Variants in CDH12 observed in about 807,000 individuals in gnomAD.
The protein encoded by CDH12 is cadherin-12.
In CDH12, 41 loss-of-function variants were observed where a neutral mutation model predicts 74.1. That is an observed-to-expected ratio of 0.55 (90% CI 0.43 to 0.72). The LOEUF (loss-of-function observed/expected upper bound fraction) is 0.72, where lower values mean the gene tolerates loss of function less well. Among genes scored for constraint, CDH12 ranks in the 30% least tolerant of loss-of-function variants. The pLI, the probability that CDH12 is intolerant of heterozygous loss-of-function variation, is 0.00. For missense variants in CDH12, 945 were observed against 977.2 expected, an observed-to-expected ratio of 0.97 and a Z score of 0.44; for synonymous variants, 399 against 355.0, an observed-to-expected ratio of 1.12 and a Z score of -1.39.
intron 3 of CDH12, among the ~76,000 whole-genome samples, chr5:22,280,305 T>G (rs777911815): frequency 3.3e-5 from 5 of 151,954 alleles, no homozygotes; most frequent in Admixed American, 6.6e-5. Flanking sequence ...ACATCACAAT[T>G]AAAAGAACTA....
At chr5:22,703,681 T>C (rs1379168735) in intron 1 of CDH12, among the ~76,000 whole-genome samples, 1 of 152,152 alleles carries the variant, frequency 6.6e-6, no homozygotes, top group African/African-American at 2.4e-5. Flanking sequence ...TATTTTCCAA[T>C]GCAGTTAATT....
At chr5:22,809,021 A>G (rs1748973823) in intron 1 of CDH12, among the ~76,000 whole-genome samples, 1 of 151,870 alleles carries the variant, frequency 6.6e-6, no homozygotes, top group South Asian at 2.1e-4. Context: ...ATTTTGAGAT[A>G]GTTTATAAAA....
intron 1 of CDH12, among the ~76,000 whole-genome samples, chr5:22,771,131 G>A (rs552513514): frequency 4.1e-4 from 63 of 152,186 alleles, no homozygotes; most frequent in African/African-American, 1.4e-3. Context: ...ACTACTGACT[G>A]TTCCAAAAAG....
At chr5:22,474,230 A>C (rs562441406) in intron 2 of CDH12, among the ~76,000 whole-genome samples, 2 of 152,158 alleles carry the variant, frequency 1.3e-5, no homozygotes, top group Non-Finnish European at 2.9e-5. Flanking sequence ...GTTAGTTACA[A>C]AGAAATGAAT....
chr5:22,743,298 GTA>G (rs913154780), intron 1 of CDH12, among the ~76,000 whole-genome samples: 2 of 145,770 alleles, frequency 1.4e-5, no homozygotes, highest in Non-Finnish European at 3.0e-5. Context: ...ATATGTATAT[GTA>G]TATATATGTA....
intron 14 of CDH12, among the ~76,000 whole-genome samples, chr5:21,754,267 C>T (rs1398387156): frequency 6.6e-6 from 1 of 152,046 alleles, no homozygotes; most frequent in Non-Finnish European, 1.5e-5. Context: ...GTTTTCTTGA[C>T]ATTAGTGACT....
chr5:22,326,313 C>T (rs1739100195), intron 3 of CDH12, among the ~76,000 whole-genome samples: 1 of 151,988 alleles, frequency 6.6e-6, no homozygotes, highest in Non-Finnish European at 1.5e-5. Context: ...CGGCTCACTG[C>T]AGGCTCCGCC....
chr5:22,454,686 G>T (rs1745193983), intron 2 of CDH12, among the ~76,000 whole-genome samples: 1 of 152,038 alleles, frequency 6.6e-6, no homozygotes, highest in Non-Finnish European at 1.5e-5. Flanking sequence ...TGTTGGCCAG[G>T]CTAGTCTCGA....
intron 6 of CDH12, among the ~76,000 whole-genome samples, chr5:21,873,950 G>T (rs1284993230): frequency 1.3e-5 from 2 of 152,054 alleles, no homozygotes; most frequent in African/African-American, 4.8e-5. Context: ...CCCTTTTATG[G>T]CTACATAGTA....
intron 1 of CDH12, among the ~76,000 whole-genome samples, chr5:22,532,510 C>T (rs1737640353): frequency 6.6e-6 from 1 of 150,436 alleles, no homozygotes; most frequent in Non-Finnish European, 1.5e-5. Context: ...TTCTTTTAGA[C>T]AGGATTTCCA....
At chr5:22,422,619 G>T (rs545629312) in intron 2 of CDH12, among the ~76,000 whole-genome samples, 10 of 152,100 alleles carry the variant, frequency 6.6e-5, no homozygotes, top group South Asian at 2.1e-4. Context: ...CTAATAAAAA[G>T]ATTTTTTTAT....
At chr5:21,924,333 C>G (rs200607561) in intron 6 of CDH12, among the ~76,000 whole-genome samples, 1 of 151,956 alleles carries the variant, frequency 6.6e-6, no homozygotes, top group Non-Finnish European at 1.5e-5. Flanking sequence ...TTGGCCAACA[C>G]GGCAAAACCC....
chr5:21,785,247 AC>A (rs1746138052), intron 10 of CDH12, among the ~76,000 whole-genome samples: 1 of 152,142 alleles, frequency 6.6e-6, no homozygotes, highest in Non-Finnish European at 1.5e-5. Context: ...TGCTTCACTA[AC>A]CAGCTATTCC....
At chr5:21,803,280 A>G (rs976068400) in intron 9 of CDH12, among the ~76,000 whole-genome samples, 28 of 152,034 alleles carry the variant, frequency 1.8e-4, no homozygotes, top group Admixed American at 1.6e-3. Flanking sequence ...TTTTTTTACT[A>G]GTAAATGTCT....
chr5:22,766,316 C>T (rs1389456973), intron 1 of CDH12, among the ~76,000 whole-genome samples: 1 of 151,938 alleles, frequency 6.6e-6, no homozygotes, highest in Non-Finnish European at 1.5e-5. Context: ...GAACTTTTCT[C>T]ATAGCTTCAT....
chr5:22,007,273 G>A (rs1029104350), intron 5 of CDH12, among the ~76,000 whole-genome samples: 25 of 152,252 alleles, frequency 1.6e-4, no homozygotes, highest in African/African-American at 6.0e-4. Flanking sequence ...GGTGACCATA[G>A]TTAATAGCAA....
chr5:22,094,522 G>C, intron 4 of CDH12, among the ~76,000 whole-genome samples: 1 of 152,236 alleles, frequency 6.6e-6, no homozygotes, highest in East Asian at 1.9e-4. Context: ...AGAAACTATC[G>C]TAACAGTAGG....
At chr5:21,956,635 G>A (rs1388368337) in intron 6 of CDH12, among the ~76,000 whole-genome samples, 1 of 151,874 alleles carries the variant, frequency 6.6e-6, no homozygotes, top group Admixed American at 6.6e-5. Flanking sequence ...GGACACCAAG[G>A]CTATTGACAT....
At chr5:22,520,830 G>A (rs534642641) in intron 1 of CDH12, among the ~76,000 whole-genome samples, 13 of 152,230 alleles carry the variant, frequency 8.5e-5, no homozygotes, top group African/African-American at 2.2e-4. Context: ...ACAAGGAGAC[G>A]TGAACTATGT....
Sources: gnomAD v4.1 joint callset for allele counts (sites outside exome capture counted in the v4.1 genomes callset) on GRCh38, gnomAD v4.1.1 for gene constraint, MANE v1.5 for transcripts, NCBI Gene and HGNC (gene_info 2026-07-23, HGNC 2026-07-21) for gene names.